The following ADCY5 variants were observed in gnomAD, a reference collection of about 807,000 sequenced individuals.
The protein encoded by ADCY5 is adenylate cyclase 5.
ADCY5 carries 30 observed loss-of-function variants against 119.7 expected under a neutral mutation model. The ratio of observed to expected loss-of-function variants is 0.25; its 90% CI spans 0.19 to 0.34. ADCY5 has a LOEUF of 0.34. ADCY5 is among the 10% of genes least tolerant of loss of function. ADCY5 has a pLI of 1.00. For missense variants in ADCY5, 1,324 were observed against 1,775.2 expected, an observed-to-expected ratio of 0.75 and a Z score of 4.57; for synonymous variants, 753 against 762.2, an observed-to-expected ratio of 0.99 and a Z score of 0.20.
intron 3 of ADCY5, among the ~76,000 whole-genome samples, chr3:123,334,027 C>T (rs562641266): frequency 1.8e-4 from 27 of 152,260 alleles, no homozygotes; most frequent in Admixed American, 1.1e-3. Context: ...CTTGTGTTCC[C>T]TAAGTTGAAA....
intron 1 of ADCY5, among the ~76,000 whole-genome samples, chr3:123,406,498 C>T (rs568241477): frequency 5.3e-5 from 8 of 152,256 alleles, no homozygotes; most frequent in Non-Finnish European, 1.2e-4. Context: ...ACATGCAGGG[C>T]TCCCCAGGCA....
chr3:123,367,828 T>C (rs1337010834), intron 1 of ADCY5: 3 of 1,512,610 alleles, frequency 2.0e-6, no homozygotes, highest in East Asian at 2.5e-5. Context: ...CTGGGGCTCA[T>C]TTTAGGTCAG....
At chr3:123,424,783 C>T (rs1018120897) in intron 1 of ADCY5, among the ~76,000 whole-genome samples, 5 of 152,260 alleles carry the variant, frequency 3.3e-5, no homozygotes, top group South Asian at 2.1e-4. Context: ...TGCACGCACG[C>T]GCGCATGTCA....
chr3:123,327,362 T>C (rs556722096), intron 7 of ADCY5, among the ~76,000 whole-genome samples: 2 of 152,346 alleles, frequency 1.3e-5, no homozygotes, highest in African/African-American at 4.8e-5. Flanking sequence ...TTCCAGCTTG[T>C]GGACTTCTGA....
intron 2 of ADCY5, among the ~76,000 whole-genome samples, chr3:123,349,359 G>A (rs1015181866): frequency 9.2e-5 from 14 of 152,126 alleles, no homozygotes; most frequent in South Asian, 2.1e-4. Context: ...CAGCACTGAC[G>A]AAGTCCTGCT....
chr3:123,296,969 G>GCAGC (rs1241128042), intron 16 of ADCY5: 6 of 1,534,960 alleles, frequency 3.9e-6, no homozygotes, highest in Non-Finnish European at 5.2e-6. Flanking sequence ...CACAAGCACT[G>GCAGC]CAGCCCTCGC....
chr3:123,327,758 G>A lies in ADCY5; in HGVS notation c.1807C>T (p.Arg603Cys), dbSNP rs758401087. The part of the protein sequence containing the change: ...NHMEAGGKAG[R>C]IHITKATLNY... ...AGTGTAGCCTTGGTGATGTGGATGCGTCTACAGGGGGGCAGGGATCAGGGT... is the reference window on the plus strand; with the variant it reads ...AGTGTAGCCTTGGTGATGTGGATGCATCTACAGGGGGGCAGGGATCAGGGT... The change falls in exon 7 of 21, where the codon CGC becomes TGC. Residue 603 changes from arginine (R) to cysteine (C), a missense_variant and splice_region_variant. Arg to Cys is a radical substitution (Grantham distance 180, BLOSUM62 -3). Coordinates refer to ENST00000462833, the MANE Select transcript of ADCY5 (RefSeq NM_183357.3). 6 of 1,613,956 alleles carry A rather than the reference G, an allele frequency of 3.7e-6. No individual in the cohort carries two copies. Among genetic ancestry groups the A allele is most frequent in the Admixed American group, 1.7e-5 (1 of 60,006 alleles).
At chr3:123,289,638 G>A in intron 19 of ADCY5, 112 bp downstream of exon 19, 1 of 1,295,146 alleles carries the variant, frequency 7.7e-7, no homozygotes, top group Non-Finnish European at 1.1e-6. Context: ...CTGCCGCCTG[G>A]CCTTCTACCT....
intron 1 of ADCY5, among the ~76,000 whole-genome samples, chr3:123,433,454 C>T (rs1442025066): frequency 6.6e-6 from 1 of 152,220 alleles, no homozygotes; most frequent in Non-Finnish European, 1.5e-5. Context: ...ACAGCCGTCC[C>T]ATCCCCAAAA....
intron 1 of ADCY5, among the ~76,000 whole-genome samples, chr3:123,366,038 G>C (rs1943426144): frequency 6.6e-6 from 1 of 152,132 alleles, no homozygotes; most frequent in African/African-American, 2.4e-5. Context: ...AATACAAAAC[G>C]CACTGGAGTC....
At chr3:123,443,555 G>A (rs1249644513) in intron 1 of ADCY5, among the ~76,000 whole-genome samples, 4 of 151,946 alleles carry the variant, frequency 2.6e-5, no homozygotes, top group Non-Finnish European at 4.4e-5. Flanking sequence ...TTGTCTCCTC[G>A]CTACAGACAC....
intron 12 of ADCY5, among the ~76,000 whole-genome samples, chr3:123,311,102 A>C (rs947261541): frequency 1.3e-5 from 2 of 152,260 alleles, no homozygotes; most frequent in African/African-American, 4.8e-5. Flanking sequence ...ATGGAAAAGT[A>C]AATGAAATAG....
intron 1 of ADCY5, among the ~76,000 whole-genome samples, chr3:123,396,418 AGAGG>A (rs148106615): frequency 0.01 from 1,325 of 132,398 alleles, 33 homozygotes; most frequent in African/African-American, 0.035. Flanking sequence ...AAAGAGAGAG[AGAGG>A]GAGGGAGGGA....
At chr3:123,354,933 A>G (rs1328526984) in intron 1 of ADCY5, among the ~76,000 whole-genome samples, 1 of 152,224 alleles carries the variant, frequency 6.6e-6, no homozygotes, top group African/African-American at 2.4e-5. Context: ...TTACCAACTT[A>G]GGAATGGAAG....
chr3:123,385,990 T>G (rs1215056667), intron 1 of ADCY5, among the ~76,000 whole-genome samples: 1 of 152,118 alleles, frequency 6.6e-6, no homozygotes, highest in East Asian at 1.9e-4. Context: ...GTTCTGACAC[T>G]GACCTGAGGT....
At chr3:123,410,263 C>G (rs1050281280) in intron 1 of ADCY5, among the ~76,000 whole-genome samples, 1 of 152,202 alleles carries the variant, frequency 6.6e-6, no homozygotes, top group Non-Finnish European at 1.5e-5. Flanking sequence ...CCTCAGGAAA[C>G]AGCCCACAAA....
chr3:123,330,103 G>A (rs528706500), intron 5 of ADCY5, among the ~76,000 whole-genome samples: 32 of 152,274 alleles, frequency 2.1e-4, no homozygotes, highest in African/African-American at 7.2e-4. Flanking sequence ...CTGTGCTTCC[G>A]GGGAGACTGA....
intron 1 of ADCY5, chr3:123,419,028 C>T: frequency 1.8e-6 from 1 of 557,158 alleles, no homozygotes; most frequent in African/African-American, 2.0e-5. Context: ...TTACAGACAA[C>T]AGCTCATGGG....
chr3:123,424,899 G>A lies in ADCY5; in HGVS notation c.1134+22513C>T, dbSNP rs527275588. Among the ~76,000 whole-genome samples, 9 of 152,358 alleles carry A rather than the reference G, an allele frequency of 5.9e-5. No homozygotes were observed. The South Asian group carries it at 6.2e-4, about 11-fold the overall frequency. ...TGACAGGCAGAAGGCCAGAGAGGCCGGGCGTGGGGCCAGCACCCTGAAATG... is the reference window on the plus strand; with the variant it reads ...TGACAGGCAGAAGGCCAGAGAGGCCAGGCGTGGGGCCAGCACCCTGAAATG... On this transcript the variant is annotated intron_variant, in intron 1 of 20. Transcript: ENST00000462833.
Sources: allele counts gnomAD v4.1 joint callset (sites outside exome capture counted in the v4.1 genomes callset), GRCh38; gene constraint gnomAD v4.1.1; transcripts MANE v1.5; gene names NCBI Gene and HGNC (gene_info 2026-07-23, HGNC 2026-07-21).